The following MAD1L1 variants were observed in gnomAD, a reference collection of about 807,000 sequenced individuals.
MAD1L1 encodes the protein mitotic spindle assembly checkpoint protein MAD1.
Under a neutral mutation model 96.9 loss-of-function variants are expected in MAD1L1, and 95 were observed. The observed-to-expected ratio is 0.98, with a 90% CI of 0.83 to 1.16. The LOEUF (loss-of-function observed/expected upper bound fraction) is 1.16, where lower values mean the gene tolerates loss of function less well. Among genes scored for constraint, MAD1L1 ranks in the 50% most tolerant of loss-of-function variants. MAD1L1 has a pLI of 0.00. For missense variants in MAD1L1, 1,007 were observed against 954.4 expected, an observed-to-expected ratio of 1.06 and a Z score of -0.73; for synonymous variants, 473 against 396.6, an observed-to-expected ratio of 1.19 and a Z score of -2.29.
chr7:2,218,687 G>A (rs982778209), intron 6 of MAD1L1, among the ~76,000 whole-genome samples: 18 of 151,730 alleles, frequency 1.2e-4, no homozygotes, highest in African/African-American at 3.4e-4. Context: ...CAGGAGGATC[G>A]CTTGAGGCCA....
chr7:1,884,857 C>T (rs1342850224), intron 18 of MAD1L1, among the ~76,000 whole-genome samples: 1 of 152,204 alleles, frequency 6.6e-6, no homozygotes, highest in Non-Finnish European at 1.5e-5. Flanking sequence ...GCGGGGCAGG[C>T]CGTGGGGCAA....
chr7:2,071,476 C>G (rs1420524164), intron 11 of MAD1L1, among the ~76,000 whole-genome samples: 7 of 152,258 alleles, frequency 4.6e-5, no homozygotes, highest in Non-Finnish European at 1.0e-4. Flanking sequence ...TACCAGAACA[C>G]AGCTCCTAAA....
intron 18 of MAD1L1, among the ~76,000 whole-genome samples, chr7:1,887,829 A>AGC (rs1391246572): frequency 4.4e-5 from 1 of 22,976 alleles, no homozygotes; most frequent in Non-Finnish European, 7.4e-5. Flanking sequence ...GCATGTGTGC[A>AGC]TGTATGTGGC....
rs1011406369 is a variant in MAD1L1 at position 2,070,119 on chromosome 7, G to C, written c.1074-781C>G. Among the ~76,000 whole-genome samples, 7 of 152,198 alleles carry C rather than the reference G, an allele frequency of 4.6e-5. No individual in the cohort carries two copies. In the East Asian group the frequency reaches 9.6e-4, roughly 21 times the overall value. The stretch of plus-strand genomic sequence containing the variant: ...TCCCAACCACTCTTGGTGAGCTTCC[G>C]AGTTCGTGGCCTGGCAGTAGCGGGC... On this transcript the variant is annotated intron_variant, in intron 11 of 18. Coordinates refer to ENST00000265854, the MANE Select transcript of MAD1L1 (RefSeq NM_001013836.2).
intron 8 of MAD1L1, 42 bp from the exon 9 acceptor site, chr7:2,216,041 T>C: frequency 6.2e-7 from 1 of 1,611,672 alleles, no homozygotes. Context: ...CCACACACCC[T>C]AGGGATAAGG....
chr7:1,913,433 G>A (rs1263734058), intron 17 of MAD1L1, among the ~76,000 whole-genome samples: 1 of 152,106 alleles, frequency 6.6e-6, no homozygotes, highest in African/African-American at 2.4e-5. Flanking sequence ...GTGCACGCCC[G>A]GCCTGGAGAA....
chr7:2,107,442 T>A (rs1467120414), intron 11 of MAD1L1: 2 of 152,234 alleles, frequency 1.3e-5, no homozygotes, highest in Admixed American at 1.3e-4. Context: ...CACTTCCTGC[T>A]CCCCATCCCG....
At chr7:2,196,855 C>G (rs1301775152) in intron 10 of MAD1L1, among the ~76,000 whole-genome samples, 1 of 152,212 alleles carries the variant, frequency 6.6e-6, no homozygotes, top group Non-Finnish European at 1.5e-5. Context: ...CTCCATGAGG[C>G]TCTCAACTGA....
chr7:1,845,693 G>T (rs959922194), intron 18 of MAD1L1: 18 of 152,312 alleles, frequency 1.2e-4, no homozygotes, highest in African/African-American at 4.3e-4. Context: ...GGTTCACGGG[G>T]AAGAGCGCTG....
intron 17 of MAD1L1, among the ~76,000 whole-genome samples, chr7:1,908,157 A>C (rs1449433240): frequency 6.6e-6 from 1 of 152,218 alleles, no homozygotes; most frequent in Non-Finnish European, 1.5e-5. Context: ...AGGCCCAGCA[A>C]GTCTGTCCAG....
intron 18 of MAD1L1, among the ~76,000 whole-genome samples, chr7:1,897,873 G>A (rs906417960): frequency 2.6e-5 from 4 of 152,200 alleles, no homozygotes; most frequent in African/African-American, 9.6e-5. Context: ...CACTGCCTCT[G>A]GACACACTGA....
chr7:1,982,637 G>A (rs762945818), intron 14 of MAD1L1, among the ~76,000 whole-genome samples: 4 of 152,214 alleles, frequency 2.6e-5, no homozygotes, highest in Non-Finnish European at 4.4e-5. Context: ...CTTATCAGCA[G>A]CAAAGAGGGA....
In MAD1L1 at chr7:2,215,843, C is replaced by A. The variant is rs749513471; in HGVS notation, c.924+42G>T. 7.0e-6 allele frequency: 11 copies of A among 1,571,096 alleles called. No individual in the cohort carries two copies. In the Admixed American group the frequency reaches 1.8e-4, roughly 26 times the overall value. On this transcript the variant is annotated intron_variant, in intron 9 of 18. Transcript: ENST00000265854. ...AATACCGAGGCTCCTCCAGGCAGGGCAGAGGACACCCACAGGAACCGCACA... is the reference window on the plus strand; with the variant it reads ...AATACCGAGGCTCCTCCAGGCAGGGAAGAGGACACCCACAGGAACCGCACA...
chr7:2,143,572 T>A (rs1477773886), intron 11 of MAD1L1, among the ~76,000 whole-genome samples: 1 of 151,490 alleles, frequency 6.6e-6, no homozygotes, highest in East Asian at 2.0e-4. Flanking sequence ...TCACACCCAA[T>A]GACTCTCGAG....
At chr7:2,018,029 C>T (rs1465271010) in intron 12 of MAD1L1, among the ~76,000 whole-genome samples, 5 of 152,066 alleles carry the variant, frequency 3.3e-5, no homozygotes, top group Admixed American at 2.6e-4. Context: ...TGCAGGACGC[C>T]GGCCCTGTTG....
intron 16 of MAD1L1, among the ~76,000 whole-genome samples, chr7:1,939,267 C>T (rs919713935): frequency 1.9e-4 from 29 of 149,810 alleles, no homozygotes; most frequent in Non-Finnish European, 3.0e-4. Context: ...ACCAGAGGCG[C>T]GCGCACACAT....
chr7:1,820,473 T>C (rs1282602735), intron 18 of MAD1L1, among the ~76,000 whole-genome samples: 6 of 138,976 alleles, frequency 4.3e-5, no homozygotes, highest in South Asian at 4.8e-4. Flanking sequence ...CTTTAAAAAA[T>C]AGCAATAAGG....
At chr7:2,219,601 GGGGCAGAGGGGCATC>G (rs1169858676) in intron 5 of MAD1L1, 145 bp from the exon 6 acceptor site, 2 of 700,192 alleles carry the variant, frequency 2.9e-6, no homozygotes, top group Non-Finnish European at 4.5e-6. Flanking sequence ...GAGGAATAAG[GGGGCAGAGGGGCATC>G]GGGCAGAGGG....
intron 18 of MAD1L1, among the ~76,000 whole-genome samples, chr7:1,857,517 C>T (rs1273530326): frequency 3.3e-5 from 5 of 152,306 alleles, no homozygotes; most frequent in Middle Eastern, 3.4e-3. Context: ...AGGAACAGGA[C>T]GGTCCCCTCG....
Sources: allele counts gnomAD v4.1 joint callset (sites outside exome capture counted in the v4.1 genomes callset), GRCh38; gene constraint gnomAD v4.1.1; transcripts MANE v1.5; gene names NCBI Gene and HGNC (gene_info 2026-07-23, HGNC 2026-07-21).